The following FARS2 variants were observed in gnomAD, a reference collection of about 807,000 sequenced individuals.
FARS2 encodes phenylalanyl-tRNA synthetase 2, mitochondrial.
Under a neutral mutation model 46.4 loss-of-function variants are expected in FARS2, and 40 were observed. The observed-to-expected ratio is 0.86, with a 90% CI of 0.67 to 1.12. The LOEUF (loss-of-function observed/expected upper bound fraction) is 1.12. Ranked by LOEUF, FARS2 falls within the 50% of genes most tolerant of loss-of-function variation. The pLI is 0.00. For synonymous variants in FARS2, 234 were observed against 214.9 expected (o/e 1.09, Z -0.78); for missense variants, 513 against 567.9 (o/e 0.90, Z 0.98).
upstream of FARS2, chr6:5,260,949 T>A (rs941810895): frequency 2.3e-6 from 3 of 1,322,942 alleles, no homozygotes; most frequent in Admixed American, 1.1e-4. Flanking sequence ...CAGGCAGGGC[T>A]CGGGGCAGCT....
chr6:5,349,097 T>C (rs1003099820), intron 1 of FARS2, among the ~76,000 whole-genome samples: 14 of 152,132 alleles, frequency 9.2e-5, no homozygotes, highest in African/African-American at 2.9e-4. Flanking sequence ...AAATAAAACA[T>C]AACACCCTCC....
At chr6:5,616,887 A>G (rs1038846124) in intron 6 of FARS2, among the ~76,000 whole-genome samples, 2 of 152,046 alleles carry the variant, frequency 1.3e-5, no homozygotes, top group African/African-American at 4.8e-5. Flanking sequence ...AGAACCTACT[A>G]GGTTACAGAG....
chr6:5,669,026 G>A (rs1479370794), intron 6 of FARS2, among the ~76,000 whole-genome samples: 1 of 152,250 alleles, frequency 6.6e-6, no homozygotes, highest in East Asian at 1.9e-4. Flanking sequence ...ACTTCTCTAG[G>A]CCTCAAGGGC....
chr6:5,471,394 C>A lies in FARS2; in HGVS notation c.904+40222C>A, dbSNP rs2150321026. On this transcript the variant is annotated intron_variant, in intron 4 of 6. Transcript: ENST00000274680. This position sits in a 1 kb window ranked among gnomAD's most constrained non-coding sequence, Gnocchi z 4.1. Reference sequence around the variant, plus strand: ...CAAAAACCCAGGAATCCTTCTCTTACCTTTTCTTGCTCTGGCTAATATCCC... The same window carrying A: ...CAAAAACCCAGGAATCCTTCTCTTAACTTTTCTTGCTCTGGCTAATATCCC... Among the ~76,000 whole-genome samples, 1 of 152,304 alleles carries A rather than the reference C, an allele frequency of 6.6e-6. No homozygotes were observed. Among genetic ancestry groups the A allele is most frequent in the African/African-American group, 2.4e-5 (1 of 41,574 alleles).
chr6:5,540,678 T>G (rs1247491954), intron 4 of FARS2, among the ~76,000 whole-genome samples: 1 of 152,102 alleles, frequency 6.6e-6, no homozygotes, highest in East Asian at 1.9e-4. Flanking sequence ...GTAGGGACTG[T>G]TTTCTCAGAA....
intron 6 of FARS2, among the ~76,000 whole-genome samples, chr6:5,670,166 C>G (rs1778379435): frequency 6.6e-6 from 1 of 152,122 alleles, no homozygotes; most frequent in Non-Finnish European, 1.5e-5. Context: ...GGCGCTTATG[C>G]CCAGAGTGCG....
At chr6:5,381,373 A>ACG (rs1759768646) in intron 2 of FARS2, among the ~76,000 whole-genome samples, 2 of 115,810 alleles carry the variant, frequency 1.7e-5, no homozygotes, top group Non-Finnish European at 3.5e-5. Context: ...CCCCAGAAAC[A>ACG]CACACACACA....
intron 6 of FARS2, among the ~76,000 whole-genome samples, chr6:5,662,484 G>T (rs1258000845): frequency 6.6e-6 from 1 of 152,202 alleles, no homozygotes; most frequent in Non-Finnish European, 1.5e-5. Flanking sequence ...CTTGCATTTG[G>T]AAGGAGCCTC....
chr6:5,266,286 T>C (rs1765545786), intron 1 of FARS2, among the ~76,000 whole-genome samples: 2 of 152,142 alleles, frequency 1.3e-5, no homozygotes, highest in Non-Finnish European at 2.9e-5. Flanking sequence ...CTTTCATATG[T>C]TTTAGGCATG....
chr6:5,367,629 A>G (rs1429390020), intron 1 of FARS2, among the ~76,000 whole-genome samples: 1 of 150,488 alleles, frequency 6.6e-6, no homozygotes, highest in Non-Finnish European at 1.5e-5. Flanking sequence ...TTTCAGCTGT[A>G]AAGTTTGGCA....
At chr6:5,262,479 A>G (rs6906241) in intron 1 of FARS2, among the ~76,000 whole-genome samples, 61,836 of 151,872 alleles carry the variant, frequency 0.41, 14,144 homozygotes, top group South Asian at 0.59. Context: ...GGGTTTCACC[A>G]TGTTGGTCAG....
At chr6:5,713,765 G>A (rs994346209) in intron 6 of FARS2, among the ~76,000 whole-genome samples, 6 of 152,210 alleles carry the variant, frequency 3.9e-5, no homozygotes, top group Non-Finnish European at 8.8e-5. Context: ...CAGACAGGAG[G>A]GTGGCGCTTT....
chr6:5,640,688 G>A (rs193104740), intron 6 of FARS2, among the ~76,000 whole-genome samples: 6 of 152,334 alleles, frequency 3.9e-5, no homozygotes, highest in Non-Finnish European at 5.9e-5. Context: ...GTCACAAGTA[G>A]CCACAAATTA....
chr6:5,692,706 A>G (rs77419181), intron 6 of FARS2, among the ~76,000 whole-genome samples: 20 of 152,358 alleles, frequency 1.3e-4, no homozygotes, highest in East Asian at 7.7e-4. Flanking sequence ...AAAATCGATA[A>G]TAGATGCTGG....
chr6:5,536,325 C>T (rs925505076), intron 4 of FARS2, among the ~76,000 whole-genome samples: 2 of 152,166 alleles, frequency 1.3e-5, no homozygotes, highest in African/African-American at 4.8e-5. Flanking sequence ...GCCACCGTGC[C>T]TGGCCTAATT....
intron 1 of FARS2, among the ~76,000 whole-genome samples, chr6:5,271,712 G>A (rs1288763558): frequency 2.6e-5 from 4 of 151,872 alleles, no homozygotes; most frequent in African/African-American, 4.8e-5. Flanking sequence ...ACAGTCGCCC[G>A]CCACCACGCC....
chr6:5,498,049 G>A (rs1767574487), intron 4 of FARS2, among the ~76,000 whole-genome samples: 1 of 152,168 alleles, frequency 6.6e-6, no homozygotes, highest in African/African-American at 2.4e-5. Context: ...ACTGTGCTGG[G>A]GGCCCTGGGG....
chr6:5,669,386 C>G (rs145499226), intron 6 of FARS2, among the ~76,000 whole-genome samples: 133 of 151,934 alleles, frequency 8.8e-4, no homozygotes, highest in African/African-American at 3.2e-3. Context: ...CCCACCCCCC[C>G]GCTGCCTATA....
chr6:5,747,136 G>A (rs1036970106), intron 6 of FARS2, among the ~76,000 whole-genome samples: 1 of 152,166 alleles, frequency 6.6e-6, no homozygotes, highest in African/African-American at 2.4e-5. Flanking sequence ...AGCCAAGAGA[G>A]GCCACAGCAG....
Sources: gnomAD v4.1 joint callset for allele counts (sites outside exome capture counted in the v4.1 genomes callset) on GRCh38, gnomAD v4.1.1 for gene constraint, Gnocchi (gnomAD v3.1) non-coding constraint, MANE v1.5 for transcripts, NCBI Gene and HGNC (gene_info 2026-07-23, HGNC 2026-07-21) for gene names.